KDM5D: variants seen among roughly 807,000 people sequenced by gnomAD.
The protein encoded by KDM5D is lysine demethylase 5D.
Under a neutral mutation model 31.9 loss-of-function variants are expected in KDM5D, and 25 were observed. The ratio of observed to expected loss-of-function variants is 0.78; its 90% CI spans 0.57 to 1.09. The LOEUF is 1.09. KDM5D is among the 50% of genes least tolerant of loss of function. The probability of loss-of-function intolerance (pLI) is 0.00; values close to 1 mark genes in which losing one functional copy is unlikely to be tolerated. For synonymous variants in KDM5D, 146 were observed against 122.3 expected (o/e 1.19, Z -1.28); for missense variants, 366 against 341.6 (o/e 1.07, Z -0.56).
At chrY:19,719,087 G>A (rs1603545830) in intron 13 of KDM5D, among the ~76,000 whole-genome samples, 5 of 30,277 alleles carry the variant, frequency 1.7e-4, no homozygotes, top group Non-Finnish European at 3.2e-4. Context: ...GGAGAATGGC[G>A]TGAACCCGGG....
At chrY:19,726,851 A>G in intron 11 of KDM5D, among the ~76,000 whole-genome samples, 1 of 33,157 alleles carries the variant, frequency 3.0e-5, no homozygotes. Context: ...TATATTTGAA[A>G]AAAATTCCAA....
intron 25 of KDM5D, 25 bp downstream of exon 25, chrY:19,706,769 C>A: frequency 5.2e-6 from 2 of 381,294 alleles, no homozygotes; most frequent in Non-Finnish European, 7.5e-6. Context: ...TAGCCAACAG[C>A]CTACCCAAAC....
At chrY:19,718,301 G>A (rs965892469) in intron 13 of KDM5D, among the ~76,000 whole-genome samples, 2 of 34,364 alleles carry the variant, frequency 5.8e-5, no homozygotes, top group African/African-American at 2.3e-4. Flanking sequence ...CTTAGTGGTG[G>A]AAACAACACA....
At chrY:19,708,593 T>G (rs764921309) in intron 21 of KDM5D, among the ~76,000 whole-genome samples, 170 bp from the exon 22 acceptor site, 1 of 34,077 alleles carries the variant, frequency 2.9e-5, no homozygotes, top group Non-Finnish European at 7.3e-5. Context: ...AACTCCTACT[T>G]TAATTGGCTC....
Position 19,732,080 on chromosome Y carries a change from GA to G in KDM5D, c.1177del (p.Ser393ProfsTer19), listed in dbSNP as rs762770490. On this transcript the variant is annotated frameshift_variant, in exon 10 of 27. Coordinates refer to ENST00000317961, the MANE Select transcript of KDM5D (RefSeq NM_004653.5). LOFTEE classifies it high-confidence loss of function. ...CATGTTGAAGTAGTCGGACTTGAAG[GA>G]ATCAGCCATTTCACCAAAACTCTGC... is the stretch of plus-strand genomic sequence containing the variant. ...SLQSFGEMAD[S>X]FKSDYFNMPV... 1 of 395,169 alleles carries G rather than the reference GA, an allele frequency of 2.5e-6. No individual in the cohort carries two copies. Among genetic ancestry groups the G allele is most frequent in the East Asian group, 9.3e-5 (1 of 10,699 alleles).
chrY:19,727,140 C>A (rs766101892), intron 11 of KDM5D, among the ~76,000 whole-genome samples: 1 of 33,494 alleles, frequency 3.0e-5, no homozygotes, highest in East Asian at 7.6e-4. Context: ...AGTTCTGAAA[C>A]TGATGACAAT....
chrY:19,705,859 G>A lies in KDM5D; in HGVS notation c.*136C>T. ...AACCAACCTTTTAACAGTAACTCTA[G>A]GAGAGAGGATATCAAAAATTGGCAG... On this transcript the variant is annotated 3_prime_UTR_variant, in exon 27 of 27. Coordinates refer to ENST00000317961, the MANE Select transcript of KDM5D (RefSeq NM_004653.5). The A allele has an allele frequency of 1.2e-5, 2 of 160,578 alleles. No individual in the cohort carries two copies. The highest frequency in any genetic ancestry group is 8.3e-5 in the African/African-American group (1 of 11,989). The allele number at this position is 160,578 out of a possible 400,897, so 40.1% of individuals were successfully genotyped here. A position where few individuals can be genotyped will look rare whatever the true frequency, so the allele number is the denominator to read the frequency against.
At position 19,706,076 on chromosome Y, in the gene KDM5D, G is replaced by C; in HGVS notation, c.4539C>G (p.His1513Gln). Residue 1513 changes from histidine (H) to glutamine (Q), a missense_variant, in exon 27 of 27, where the codon CAC becomes CAG. Transcript: ENST00000317961. ...FLKGNQNSLQ[H>Q]KDSGSSAACP... The stretch of plus-strand genomic sequence containing the variant: ...AAGCAGCTGAAGAGCCTGAATCCTT[G>C]TGTTGTAAGCTATTTTGGTTTCCTT... 2.5e-6 allele frequency: 1 copy of C among 395,011 alleles called. No homozygotes were observed. The highest frequency in any genetic ancestry group is 6.5e-5 in the African/African-American group (1 of 15,347).
intron 2 of KDM5D, among the ~76,000 whole-genome samples, chrY:19,743,724 C>T (rs1014722972): frequency 5.9e-5 from 2 of 33,776 alleles, no homozygotes; most frequent in African/African-American, 2.3e-4. Context: ...AACGTTGCAG[C>T]CTGGTTCAAT....
Position 19,739,604 on chromosome Y carries a change from C to G in KDM5D, c.581G>C (p.Ser194Thr). Residue 194 changes from serine (S) to threonine (T), a missense_variant, in exon 6 of 27, where the codon AGC (serine) becomes ACC (threonine). By Grantham distance (58) the Ser-to-Thr change is moderately conservative. Transcript: ENST00000317961. The stretch of plus-strand genomic sequence containing the variant: ...CTGCACAGACTGTCTAAGGGGGATG[C>G]TGTGGGGCTTGTATTCCTTATCTTT... ...EVKDKEYKPH[S>T]IPLRQSVQPS... 1 of 395,577 alleles carries G rather than the reference C, an allele frequency of 2.5e-6. No individual in the cohort carries two copies. The highest frequency in any genetic ancestry group is 3.6e-6 in the Non-Finnish European group (1 of 281,070).
chrY:19,709,321 A>G, intron 20 of KDM5D, 130 bp downstream of exon 20: 1 of 207,390 alleles, frequency 4.8e-6, no homozygotes, highest in Non-Finnish European at 7.8e-6. Context: ...ATGTCATGCC[A>G]ATCCTTTAGA....
intron 21 of KDM5D, 93 bp from the exon 22 acceptor site, chrY:19,708,516 C>A: frequency 5.4e-6 from 1 of 184,773 alleles, no homozygotes. Flanking sequence ...ACTGCATAAT[C>A]CCAGGGCTGA....
In KDM5D at chrY:19,741,369, G is replaced by A. The variant is rs772107210; in HGVS notation, c.471C>T (p.Tyr157=). 1 of 395,985 alleles carries A rather than the reference G, an allele frequency of 2.5e-6. No homozygotes were observed. Among genetic ancestry groups the A allele is most frequent in the Non-Finnish European group, 3.5e-6 (1 of 282,309 alleles). Residue 157 remains tyrosine, a synonymous_variant, in exon 5 of 27, where the codon TAC becomes TAT. Transcript: ENST00000317961. The stretch of plus-strand genomic sequence containing the variant: ...TTTCATAGGGGTAAATAATGCGTTC[G>A]TAATGTGATCGTAGCAGGGAGCCAA... The part of the protein sequence containing the change: ...KNIGSLLRSH[Y]ERIIYPYEMF...
chrY:19,733,056 G>C (rs957340550), intron 8 of KDM5D, among the ~76,000 whole-genome samples: 3 of 33,615 alleles, frequency 8.9e-5, no homozygotes, highest in Non-Finnish European at 2.2e-4. Flanking sequence ...AGGGCAAGTT[G>C]AACATAAAAA....
intron 11 of KDM5D, among the ~76,000 whole-genome samples, chrY:19,726,463 G>A: frequency 3.9e-4 from 13 of 33,100 alleles, no homozygotes; most frequent in Admixed American, 2.7e-3. Flanking sequence ...AACAAACACC[G>A]TATGTGCTCA....
chrY:19,727,584 C>T (rs2045443067), intron 11 of KDM5D, among the ~76,000 whole-genome samples: 4 of 33,175 alleles, frequency 1.2e-4, no homozygotes, highest in Admixed American at 5.6e-4. Flanking sequence ...ACAACAGCAA[C>T]GAAAAACACT....
At position 19,710,399 on chromosome Y, in the gene KDM5D, T is replaced by C; in HGVS notation, c.2560A>G (p.Met854Val). The C allele has an allele frequency of 2.6e-6, 1 of 389,985 alleles. No individual in the cohort carries two copies. Among genetic ancestry groups the C allele is most frequent in the Non-Finnish European group, 3.6e-6 (1 of 278,527 alleles). The change falls in exon 19 of 27, where the codon ATG (methionine) becomes GTG (valine). Residue 854 changes from methionine (M) to valine (V), a missense_variant. Met to Val is a conservative substitution (Grantham distance 21). Coordinates refer to ENST00000317961, the MANE Select transcript of KDM5D (RefSeq NM_004653.5). Reference sequence around the variant, plus strand: ...ACCTTGACATCCCCAATCTGATGCATGGCACAGGGCAGGCTGCCCATCTGC... The same window carrying C: ...ACCTTGACATCCCCAATCTGATGCACGGCACAGGGCAGGCTGCCCATCTGC... ...LEQMGSLPCAMHQIGDVKDVL... is the reference protein window; with the variant it reads ...LEQMGSLPCAVHQIGDVKDVL...
In KDM5D at chrY:19,739,531, A is replaced by G. The variant is rs773702319; in HGVS notation, c.654T>C (p.Pro218=). The G allele has an allele frequency of 1.1e-4, 44 of 392,709 alleles. No homozygotes were observed. The highest frequency in any genetic ancestry group is 1.5e-4 in the Non-Finnish European group (41 of 280,450). Residue 218 remains proline (P), a synonymous_variant, in exon 6 of 27, where the codon CCT becomes CCC. Coordinates refer to ENST00000317961, the MANE Select transcript of KDM5D (RefSeq NM_004653.5). ...AACAGGAGTAACAGTCACTCACATC[A>G]GGCTGTAGCCTTTTTGCCCGTCGAC... ...SYSRRAKRLQ[P]DPEPTEEDIE... is the part of the protein sequence containing the mutation.
In KDM5D at chrY:19,715,842, T is replaced by C. The variant is rs746341780; in HGVS notation, c.2194A>G (p.Ser732Gly). ...SHINDLCKCS[S>G]SRQYLRYRYT... ...GCTCACCGGAGGTACTGTCGGCTAC[T>C]AGAGCACTTGCAGAGGTCATTGATG... is the stretch of plus-strand genomic sequence containing the variant. Residue 732 changes from serine (S) to glycine (G), a missense_variant, in exon 16 of 27, where the codon AGT becomes GGT. Ser to Gly is a moderately conservative substitution (Grantham distance 56). Transcript: ENST00000317961. 1 of 396,879 alleles carries C rather than the reference T, an allele frequency of 2.5e-6. No homozygotes were observed. Among genetic ancestry groups the C allele is most frequent in the African/African-American group, 6.4e-5 (1 of 15,620 alleles).
Sources: allele counts gnomAD v4.1 joint callset (sites outside exome capture counted in the v4.1 genomes callset), GRCh38; gene constraint gnomAD v4.1.1; transcripts MANE v1.5; gene names NCBI Gene and HGNC (gene_info 2026-07-23, HGNC 2026-07-21).